The following RIN3 variants were observed in gnomAD, a reference collection of about 807,000 sequenced individuals.
The protein encoded by RIN3 is RAB5 interacting protein 3.
In RIN3, 54 loss-of-function variants were observed where a neutral mutation model predicts 76.3. The ratio of observed to expected loss-of-function variants is 0.71; its 90% confidence interval spans 0.57 to 0.89. The LOEUF is 0.89. Among genes scored for constraint, RIN3 ranks in the 40% least tolerant of loss-of-function variants. The pLI, the probability that RIN3 is intolerant of heterozygous loss-of-function variation, is 0.00. For synonymous variants in RIN3, 576 were observed against 564.0 expected, an observed-to-expected ratio of 1.02 and a Z score of -0.30; for missense variants, 1,256 against 1,322.1, an observed-to-expected ratio of 0.95 and a Z score of 0.78.
At chr14:92,663,235 G>A (rs1303377339) in intron 7 of RIN3, among the ~76,000 whole-genome samples, 10 of 152,238 alleles carry the variant, frequency 6.6e-5, no homozygotes, top group Non-Finnish European at 1.5e-5. Context: ...CGTCCTTGTG[G>A]TGAAAGTCAA....
chr14:92,655,536 G>A (rs759067880), intron 6 of RIN3, among the ~76,000 whole-genome samples: 8 of 152,260 alleles, frequency 5.3e-5, no homozygotes, highest in Non-Finnish European at 1.2e-4. Context: ...AGATGGGGTC[G>A]TGCAGGGTTC....
intron 5 of RIN3, among the ~76,000 whole-genome samples, chr14:92,647,040 T>C (rs906865166): frequency 1.3e-5 from 2 of 152,230 alleles, no homozygotes; most frequent in Non-Finnish European, 2.9e-5. Flanking sequence ...ATGAGGCATA[T>C]ATGTTTCTTA....
At chr14:92,600,602 C>T (rs1166003222) in intron 3 of RIN3, among the ~76,000 whole-genome samples, 2 of 152,182 alleles carry the variant, frequency 1.3e-5, no homozygotes, top group African/African-American at 2.4e-5. Flanking sequence ...AGTCATGGGC[C>T]GTCTTCCATT....
At chr14:92,621,235 C>CA (rs572318532) in intron 4 of RIN3, among the ~76,000 whole-genome samples, 950 of 70,676 alleles carry the variant, frequency 0.013, 50 homozygotes, top group East Asian at 0.075. Flanking sequence ...GACTCCGTCT[C>CA]AAAAAAAAAA....
intron 1 of RIN3, among the ~76,000 whole-genome samples, chr14:92,517,154 G>A (rs12590167): frequency 0.24 from 36,095 of 152,162 alleles, 4,856 homozygotes; most frequent in Non-Finnish European, 0.31. Context: ...AGGCAGTGAT[G>A]AGTGAGCACC....
chr14:92,672,660 ATGTG>A (rs57611104), intron 7 of RIN3, among the ~76,000 whole-genome samples: 2,103 of 148,490 alleles, frequency 0.014, 19 homozygotes, highest in Non-Finnish European at 0.017. Context: ...ATGTGTGTGC[ATGTG>A]TGTGTGTGTG....
At chr14:92,650,737 C>G (rs1433712325) in intron 5 of RIN3, among the ~76,000 whole-genome samples, 1 of 152,214 alleles carries the variant, frequency 6.6e-6, no homozygotes, top group African/African-American at 2.4e-5. Context: ...CCTGAGCCTC[C>G]GTCAGATGCT....
intron 1 of RIN3, among the ~76,000 whole-genome samples, chr14:92,527,152 G>A (rs984198939): frequency 1.3e-5 from 2 of 148,642 alleles, no homozygotes; most frequent in African/African-American, 5.0e-5. Context: ...CTGGGTTCAC[G>A]CCATTCTCCT....
At chr14:92,536,477 C>T in intron 1 of RIN3, among the ~76,000 whole-genome samples, 1 of 152,188 alleles carries the variant, frequency 6.6e-6, no homozygotes. Flanking sequence ...GGAGCAGTGA[C>T]TCACATCTGT....
rs531248877 is a variant in RIN3, at chr14:92,564,594, A to G, written c.249+8639A>G. 2.0e-5 allele frequency among the ~76,000 whole-genome samples: 3 copies of G among 152,338 alleles called. No individual in the cohort carries two copies. In the East Asian group the frequency reaches 5.8e-4, roughly 29 times the overall value. On this transcript the variant is annotated intron_variant, in intron 2 of 9. Coordinates refer to ENST00000216487, the MANE Select transcript of RIN3 (RefSeq NM_024832.5). ...GGACACAGAGCAAACCAATGTCAGA[A>G]CTAGGAAGGACACAAGTGTCTGACC...
At chr14:92,599,411 C>T (rs889736624) in intron 3 of RIN3, among the ~76,000 whole-genome samples, 9 of 152,178 alleles carry the variant, frequency 5.9e-5, no homozygotes, top group Admixed American at 5.2e-4. Flanking sequence ...GACTCTTGGG[C>T]CTGGTTGGCA....
intron 5 of RIN3, among the ~76,000 whole-genome samples, chr14:92,645,889 T>C (rs558196157): frequency 2.0e-5 from 3 of 151,522 alleles, no homozygotes; most frequent in Non-Finnish European, 4.4e-5. Flanking sequence ...GAAGTGGAGA[T>C]TGCAGTGAGC....
chr14:92,607,618 A>T (rs1199382402), intron 3 of RIN3, among the ~76,000 whole-genome samples: 1 of 152,202 alleles, frequency 6.6e-6, no homozygotes, highest in East Asian at 1.9e-4. Flanking sequence ...CCAAAAAAGG[A>T]TGGGAAACTA....
intron 3 of RIN3, among the ~76,000 whole-genome samples, chr14:92,602,147 T>G (rs556103994): frequency 1.5e-4 from 23 of 152,272 alleles, no homozygotes; most frequent in South Asian, 8.3e-4. Context: ...AAATGAGGTC[T>G]GGGCCCTGCT....
intron 3 of RIN3, among the ~76,000 whole-genome samples, chr14:92,581,591 G>T (rs7157463): frequency 0.26 from 38,798 of 151,774 alleles, 5,303 homozygotes; most frequent in African/African-American, 0.33. Flanking sequence ...CGTCCTTTGC[G>T]CCATACTCCT....
rs1897699717 is a variant in RIN3, at chr14:92,559,450, T to TGAA, written c.249+3497_249+3498insAGA. 1.1e-4 allele frequency among the ~76,000 whole-genome samples: 17 copies of TGAA among 152,300 alleles called. 1 individual carries two copies. The South Asian group carries it at 3.5e-3, about 32-fold the overall frequency. On this transcript the variant is annotated intron_variant, in intron 2 of 9. Transcript: ENST00000216487. ...CAGGAGAGACATAAAAGTAATTTTCTGAGATCAACCAGTGCTGGATGGGTT... is the reference window on the plus strand; with the variant it reads ...CAGGAGAGACATAAAAGTAATTTTCTGAAGAGATCAACCAGTGCTGGATGGGTT...
chr14:92,686,455 T>A (rs1043327645), intron 9 of RIN3: 1 of 152,230 alleles, frequency 6.6e-6, no homozygotes, highest in Non-Finnish European at 1.5e-5. Context: ...TGGAAAGAAG[T>A]GTATGCAGTC....
intron 7 of RIN3, among the ~76,000 whole-genome samples, chr14:92,665,306 G>A (rs1450309904): frequency 6.0e-5 from 9 of 151,060 alleles, no homozygotes; most frequent in African/African-American, 1.2e-4. Context: ...CGTCATATAC[G>A]TGGTCCATCA....
chr14:92,655,186 A>T (rs1887622170), intron 6 of RIN3, among the ~76,000 whole-genome samples: 1 of 152,064 alleles, frequency 6.6e-6, no homozygotes, highest in African/African-American at 2.4e-5. Flanking sequence ...AGTTAAAAAA[A>T]AAAATAGAAA....
Sources: allele counts gnomAD v4.1 joint callset (sites outside exome capture counted in the v4.1 genomes callset), GRCh38; gene constraint gnomAD v4.1.1; transcripts MANE v1.5; gene names NCBI Gene and HGNC (gene_info 2026-07-23, HGNC 2026-07-21).